MAP10: variants seen among roughly 807,000 people sequenced by gnomAD.
The protein encoded by MAP10 is microtubule-associated protein 10.
MAP10 carries 10 observed loss-of-function variants against 6.3 expected under a neutral mutation model. The ratio of observed to expected loss-of-function variants is 1.58; its 90% CI spans 0.98 to 2.69. The LOEUF (loss-of-function observed/expected upper bound fraction) is 2.69. MAP10 is among the 30% of genes most tolerant of loss of function. The pLI, the probability that MAP10 is intolerant of heterozygous loss-of-function variation, is 0.00. For synonymous variants in MAP10, 459 were observed against 429.3 expected, an observed-to-expected ratio of 1.07 and a Z score of -0.86; for missense variants, 1,189 against 1,086.5, an observed-to-expected ratio of 1.09 and a Z score of -1.33.
rs1558362325 is a variant in MAP10, at chr1:232,808,150, C to G, written c.2701C>G (p.Pro901Ala). 6.4e-7 allele frequency: 1 copy of G among 1,567,222 alleles called. No homozygotes were observed. ...DICELVINKL[P>A]GYTM is the part of the protein sequence containing the mutation. ...TTGTGAATTAGTAATAAATAAACTT[C>G]CAGGATACACAATGTAAAAATACAT... The change falls in exon 1 of 1, where the codon CCA becomes GCA. Residue 901 changes from proline to alanine, a missense_variant. Transcript: ENST00000418460.
Position 232,807,631 on chromosome 1 carries a change from A to G in MAP10, c.2182A>G (p.Ser728Gly). ...DTSRSFKAHD[S>G]SSRTENPKHS... ...CAGCAGAAGTTTCAAAGCTCATGAT[A>G]GCAGTTCAAGGACAGAAAATCCAAA... is the stretch of plus-strand genomic sequence containing the variant. Residue 728 changes from serine to glycine, a missense_variant, in exon 1 of 1, where the codon AGC becomes GGC. Ser to Gly is a moderately conservative substitution (Grantham distance 56). Coordinates refer to ENST00000418460, the MANE Select transcript of MAP10 (RefSeq NM_019090.3). The G allele has an allele frequency of 6.2e-7, 1 of 1,610,356 alleles. No individual in the cohort carries two copies. The highest frequency in any genetic ancestry group is 8.5e-7 in the Non-Finnish European group (1 of 1,178,034).
At chr1:232,806,596 C>T in the MAP10 span, 69 of 1,613,734 alleles carry the variant, frequency 4.3e-5, 1 homozygote, top group East Asian at 6.7e-4. Context: ...TCAAACATGT[C>T]AAACTGAACA....
rs1174790647 is a variant in MAP10 at position 232,806,698 on chromosome 1, G to A, written c.1249G>A (p.Ala417Thr). 4.3e-6 allele frequency: 7 copies of A among 1,613,852 alleles called. No individual in the cohort carries two copies. The highest frequency in any genetic ancestry group is 4.2e-6 in the Non-Finnish European group (5 of 1,179,892). ...LLYDQPVTSP[A>T]HIHPHLAWLY... The stretch of plus-strand genomic sequence containing the variant: ...ATATGACCAACCTGTGACAAGTCCT[G>A]CTCATATACATCCTCACCTAGCCTG... The change falls in exon 1 of 1, where the codon GCT (alanine) becomes ACT (threonine). Residue 417 changes from alanine to threonine, a missense_variant. By Grantham distance (58) the Ala-to-Thr change is moderately conservative (BLOSUM62 0). Coordinates refer to ENST00000418460, the MANE Select transcript of MAP10 (RefSeq NM_019090.3).
Position 232,806,530 on chromosome 1 carries a change from G to A in MAP10, c.1081G>A (p.Glu361Lys), listed in dbSNP as rs61735495. 3.8e-3 allele frequency: 6,192 copies of A among 1,613,796 alleles called. 187 individuals are homozygous for A. The African/African-American group carries it at 0.072, about 19-fold the overall frequency. Residue 361 changes from glutamate to lysine, a missense_variant, in exon 1 of 1, where the codon GAA (glutamate) becomes AAA (lysine). Coordinates refer to ENST00000418460, the MANE Select transcript of MAP10 (RefSeq NM_019090.3). ...CLKHPSSAAH[E>K]HPPMLVNPPH... ...AAAGCATCCAAGTTCTGCAGCACAC[G>A]AACATCCTCCAATGCTTGTAAATCC... is the stretch of plus-strand genomic sequence containing the variant.
rs757783992 is a variant in MAP10, at chr1:232,808,831, AT to A, written c.*666del. 6.6e-6 allele frequency among the ~76,000 whole-genome samples: 1 copy of A among 152,148 alleles called. No homozygotes were observed. Among genetic ancestry groups the A allele is most frequent in the Admixed American group, 6.5e-5 (1 of 15,276 alleles). On this transcript the variant is annotated 3_prime_UTR_variant, in exon 1 of 1. Coordinates refer to ENST00000418460, the MANE Select transcript of MAP10 (RefSeq NM_019090.3). ...TCAGTGCATTTTTGTATCTAGCACAATTCCTGGCATGTGGCTGCAGTGCAAT... is the reference window on the plus strand; with the variant it reads ...TCAGTGCATTTTTGTATCTAGCACAATCCTGGCATGTGGCTGCAGTGCAAT...
rs1233529550 is a variant in MAP10 at position 232,806,389 on chromosome 1, C to G, written c.940C>G (p.Pro314Ala). 2 of 1,613,698 alleles carry G rather than the reference C, an allele frequency of 1.2e-6. No individual in the cohort carries two copies. The highest frequency in any genetic ancestry group is 1.7e-6 in the Non-Finnish European group (2 of 1,179,880). The stretch of plus-strand genomic sequence containing the variant: ...TTACACTAACTTGACCCAAGAAAAA[C>G]CGCCCCCTGCACAGGCTAAAATCAC... The part of the protein sequence containing the change: ...LYYTNLTQEK[P>A]PPAQAKITIE... Residue 314 changes from proline (P) to alanine (A), a missense_variant, in exon 1 of 1, where the codon CCG (proline) becomes GCG (alanine). Physicochemically the swap from Pro to Ala is conservative, Grantham distance 27 (BLOSUM62 -1). Coordinates refer to ENST00000418460, the MANE Select transcript of MAP10 (RefSeq NM_019090.3).
rs540775024 is a variant in MAP10 at position 232,807,796 on chromosome 1, A to G, written c.2347A>G (p.Thr783Ala). 2 of 1,613,276 alleles carry G rather than the reference A, an allele frequency of 1.2e-6. No individual in the cohort carries two copies. Among genetic ancestry groups the G allele is most frequent in the African/African-American group, 1.3e-5 (1 of 74,910 alleles). Residue 783 changes from threonine (T) to alanine (A), a missense_variant, in exon 1 of 1, where the codon ACT (threonine) becomes GCT (alanine). Physicochemically the swap from Thr to Ala is moderately conservative, Grantham distance 58. Transcript: ENST00000418460. ...HSYRKFHISKTQDKSLEEASS... is the reference protein window; with the variant it reads ...HSYRKFHISKAQDKSLEEASS... ...ATACAGAAAATTTCATATTTCAAAG[A>G]CTCAGGATAAAAGTTTGGAGGAAGC...
In MAP10 at chr1:232,805,593, G is replaced by A. The variant is rs954164919; in HGVS notation, c.144G>A (p.Ser48=). 7 of 1,556,526 alleles carry A rather than the reference G, an allele frequency of 4.5e-6. No individual in the cohort carries two copies. Among genetic ancestry groups the A allele is most frequent in the Non-Finnish European group, 6.1e-6 (7 of 1,152,758 alleles). ...EEEEKEQGEA[S]SPRGLCPAVA... ...AGGAAAAGGAGCAGGGGGAGGCCTC[G>A]TCGCCGCGCGGTCTGTGCCCCGCCG... Residue 48 remains serine, a synonymous_variant, in exon 1 of 1, where the codon TCG becomes TCA. Transcript: ENST00000418460.
In MAP10 at chr1:232,806,266, T is replaced by A. The variant is rs761076035; in HGVS notation, c.817T>A (p.Cys273Ser). The change falls in exon 1 of 1, where the codon TGT becomes AGT. Residue 273 changes from cysteine (C) to serine (S), a missense_variant. Transcript: ENST00000418460. ...ENGKTNSVVT[C>S]SGAGNGRNVS... The stretch of plus-strand genomic sequence containing the variant: ...TGGCAAAACCAATTCTGTTGTTACA[T>A]GTTCAGGTGCTGGCAATGGGAGAAA... The A allele has an allele frequency of 2.9e-5, 46 of 1,613,892 alleles. No individual in the cohort carries two copies. The African/African-American group carries it at 6.1e-4, about 22-fold the overall frequency.
chr1:232,808,069 G>T, the MAP10 span: 1 of 1,608,852 alleles, frequency 6.2e-7, no homozygotes, highest in East Asian at 2.2e-5. Context: ...AGATCACTTT[G>T]AAGAAGGCAA....
At position 232,809,555 on chromosome 1, in the gene MAP10, A is replaced by G. The variant is rs192583042; in HGVS notation, c.*1388A>G. On this transcript the variant is annotated 3_prime_UTR_variant, in exon 1 of 1. Transcript: ENST00000418460. ...GAAAGGACATTTGTTGAGTAAGGAAAATGCCAGATTACAGAGAGCCTCAAA... is the reference window on the plus strand; with the variant it reads ...GAAAGGACATTTGTTGAGTAAGGAAGATGCCAGATTACAGAGAGCCTCAAA... Among the ~76,000 whole-genome samples, 31 of 152,228 alleles carry G rather than the reference A, an allele frequency of 2.0e-4. No homozygotes were observed. The highest frequency in any genetic ancestry group is 1.9e-3 in the Admixed American group (29 of 15,298).
In MAP10 at chr1:232,808,079, A is replaced by G. The variant is rs141642246; in HGVS notation, c.2630A>G (p.Asn877Ser). 76 of 1,606,570 alleles carry G rather than the reference A, an allele frequency of 4.7e-5. No homozygotes were observed. The highest frequency in any genetic ancestry group is 3.3e-4 in the Middle Eastern group (2 of 6,046). Reference protein sequence around the residue: ...SSTSDHFEEGNDDVGSLNISK... With the variant: ...SSTSDHFEEGSDDVGSLNISK... ...ACATCAGATCACTTTGAAGAAGGCAATGATGATGTTGGTTCACTAAATATT... is the reference window on the plus strand; with the variant it reads ...ACATCAGATCACTTTGAAGAAGGCAGTGATGATGTTGGTTCACTAAATATT... Residue 877 changes from asparagine to serine, a missense_variant, in exon 1 of 1, where the codon AAT becomes AGT. Coordinates refer to ENST00000418460, the MANE Select transcript of MAP10 (RefSeq NM_019090.3).
the MAP10 span, chr1:232,806,197 GTTAAAAGT>G: frequency 8.1e-6 from 13 of 1,613,904 alleles, no homozygotes; most frequent in South Asian, 3.3e-5. Context: ...GAAGGAAATG[GTTAAAAGT>G]AAGGCCGAAT....
chr1:232,805,969 G>C lies in MAP10; in HGVS notation c.520G>C (p.Asp174His). The C allele has an allele frequency of 6.2e-7, 1 of 1,613,424 alleles. No homozygotes were observed. The highest frequency in any genetic ancestry group is 8.5e-7 in the Non-Finnish European group (1 of 1,179,838). Residue 174 changes from aspartate to histidine, a missense_variant, in exon 1 of 1, where the codon GAC becomes CAC. Asp to His is a moderately conservative substitution (Grantham distance 81, BLOSUM62 -1). Transcript: ENST00000418460. ...TAATCGAGTGGGCGAGCGGACTGGG[G>C]ACATTGCACTGGCCTACCGCCTGAC... ...LHNRVGERTG[D>H]IALAYRLTDL... is the part of the protein sequence containing the mutation.
At position 232,807,212 on chromosome 1, in the gene MAP10, C is replaced by G. The variant is rs897718227; in HGVS notation, c.1763C>G (p.Thr588Arg). ...QISGVFDEPS[T>R]SKETKLKYAT... ...AGTGGAGTTTTTGATGAGCCCAGCA[C>G]AAGTAAAGAAACTAAACTGAAATAT... Residue 588 changes from threonine to arginine, a missense_variant, in exon 1 of 1, where the codon ACA becomes AGA. Physicochemically the swap from Thr to Arg is moderately conservative, Grantham distance 71. Transcript: ENST00000418460. 1 of 1,613,388 alleles carries G rather than the reference C, an allele frequency of 6.2e-7. No individual in the cohort carries two copies. Among genetic ancestry groups the G allele is most frequent in the East Asian group, 2.2e-5 (1 of 44,844 alleles).
chr1:232,805,743 C>A lies in MAP10; in HGVS notation c.294C>A (p.Arg98=). Residue 98 remains arginine, a synonymous_variant, in exon 1 of 1, where the codon CGC becomes CGA. Coordinates refer to ENST00000418460, the MANE Select transcript of MAP10 (RefSeq NM_019090.3). Reference sequence around the variant, plus strand: ...GTCGCGGCAAGTCCTGCCTCTTCCGCCTGCAGCCTGCTACCCTGCACTGCC... The same window carrying A: ...GTCGCGGCAAGTCCTGCCTCTTCCGACTGCAGCCTGCTACCCTGCACTGCC... The part of the protein sequence containing the change: ...RFGRGKSCLF[R]LQPATLHCRL... 6.2e-7 allele frequency: 1 copy of A among 1,604,920 alleles called. No homozygotes were observed.
Position 232,805,812 on chromosome 1 carries a change from C to T in MAP10, c.363C>T (p.Pro121=), listed in dbSNP as rs762783188. ...TTGCCACCTTGCTGCTGCAGCTGCC[C>T]CCTGGGCGCCCGACGCCCACCCCAC... ...TPLATLLLQL[P]PGRPTPTPQL... The change falls in exon 1 of 1, where the codon CCC becomes CCT. Residue 121 remains proline (P), a synonymous_variant. Coordinates refer to ENST00000418460, the MANE Select transcript of MAP10 (RefSeq NM_019090.3). 7 of 1,593,234 alleles carry T rather than the reference C, an allele frequency of 4.4e-6. No homozygotes were observed. The highest frequency in any genetic ancestry group is 1.1e-5 in the South Asian group (1 of 88,166).
In MAP10 at chr1:232,808,250, T is replaced by A; in HGVS notation, c.*83T>A. 1.3e-6 allele frequency: 1 copy of A among 781,324 alleles called. No homozygotes were observed. The highest frequency in any genetic ancestry group is 1.9e-6 in the Non-Finnish European group (1 of 533,430). 48.4% of individuals were successfully genotyped at this position (781,324 alleles called of 1,614,324 possible). On this transcript the variant is annotated 3_prime_UTR_variant, in exon 1 of 1. Transcript: ENST00000418460. ...TTTAAAGCTGTTTTAGTTCATGAAT[T>A]ATGTGAATAATTTTTTAAAGAAATA...
In MAP10 at chr1:232,806,274, T is replaced by G; in HGVS notation, c.825T>G (p.Gly275=). The part of the protein sequence containing the change: ...GKTNSVVTCS[G]AGNGRNVSSL... ...CCAATTCTGTTGTTACATGTTCAGG[T>G]GCTGGCAATGGGAGAAATGTTAGCT... The change falls in exon 1 of 1, where the codon GGT becomes GGG. Residue 275 remains glycine, a synonymous_variant. Coordinates refer to ENST00000418460, the MANE Select transcript of MAP10 (RefSeq NM_019090.3). The G allele has an allele frequency of 6.2e-7, 1 of 1,613,976 alleles. No homozygotes were observed. Among genetic ancestry groups the G allele is most frequent in the Non-Finnish European group, 8.5e-7 (1 of 1,179,898 alleles).
Sources: gnomAD v4.1 joint callset for allele counts (sites outside exome capture counted in the v4.1 genomes callset) on GRCh38, gnomAD v4.1.1 for gene constraint, MANE v1.5 for transcripts, NCBI Gene and HGNC (gene_info 2026-07-23, HGNC 2026-07-21) for gene names.